The following RIMOC1 variants were observed in gnomAD, a reference collection of about 807,000 sequenced individuals.
The protein encoded by RIMOC1 is RAB7A-interacting MON1-CCZ1 complex subunit 1.
chr5:41,909,515 A>G, the RIMOC1 span, among the ~76,000 whole-genome samples: 1 of 152,104 alleles, frequency 6.6e-6, no homozygotes, highest in Non-Finnish European at 1.5e-5. Flanking sequence ...TGAGGGAAAG[A>G]AAGATTATCA....
At chr5:41,907,751 G>T in the RIMOC1 span, 1 of 1,602,154 alleles carries the variant, frequency 6.2e-7, no homozygotes. Flanking sequence ...TTTTTAATTC[G>T]GGCCTCTGCA....
At chr5:41,911,059 G>T in the RIMOC1 span, 1 of 1,609,686 alleles carries the variant, frequency 6.2e-7, no homozygotes, top group East Asian at 2.2e-5. Flanking sequence ...ACTGCAATTT[G>T]CTTGGGGATG....
the RIMOC1 span, among the ~76,000 whole-genome samples, chr5:41,907,526 G>A: frequency 0.82 from 125,084 of 152,156 alleles, 51,975 homozygotes; most frequent in African/African-American, 0.87. Flanking sequence ...TGCTTTGTAG[G>A]AAAAATTTTC....
At chr5:41,912,341 A>G in the RIMOC1 span, among the ~76,000 whole-genome samples, 4 of 152,352 alleles carry the variant, frequency 2.6e-5, no homozygotes, top group East Asian at 7.7e-4. Flanking sequence ...CAAAGATAAA[A>G]TCTTTTGATG....
At chr5:41,910,651 A>C in the RIMOC1 span, among the ~76,000 whole-genome samples, 10 of 151,950 alleles carry the variant, frequency 6.6e-5, no homozygotes, top group African/African-American at 4.8e-5. Context: ...TGATTTATTA[A>C]AATTATTTTT....
the RIMOC1 span, chr5:41,907,746 A>G: frequency 6.2e-7 from 1 of 1,601,024 alleles, no homozygotes; most frequent in Admixed American, 1.7e-5. Context: ...ATCACTTTTT[A>G]ATTCGGGCCT....
At chr5:41,911,224 G>A in the RIMOC1 span, 1 of 1,562,476 alleles carries the variant, frequency 6.4e-7, no homozygotes, top group African/African-American at 1.4e-5. Context: ...GACATTTAGA[G>A]GTTTCAAAAA....
the RIMOC1 span, among the ~76,000 whole-genome samples, chr5:41,907,027 A>G: frequency 6.6e-6 from 1 of 152,196 alleles, no homozygotes; most frequent in Non-Finnish European, 1.5e-5. Context: ...AAAAGGTGAA[A>G]TCACAGAAGC....
At chr5:41,918,498 C>A in the RIMOC1 span, 2 of 985,386 alleles carry the variant, frequency 2.0e-6, no homozygotes, top group Non-Finnish European at 2.4e-6. Context: ...ACCAGTTATT[C>A]TTCTTTCCCT....
chr5:41,910,001 T>A, the RIMOC1 span: 1 of 911,028 alleles, frequency 1.1e-6, no homozygotes, highest in South Asian at 1.8e-5. Context: ...TTTCTTAAAT[T>A]AAGATTGGAA....
the RIMOC1 span, among the ~76,000 whole-genome samples, chr5:41,907,228 A>T: frequency 1.3e-5 from 2 of 152,188 alleles, no homozygotes; most frequent in Non-Finnish European, 1.5e-5. Context: ...ATGTAATTTT[A>T]ATTGTAGTAG....
the RIMOC1 span, chr5:41,921,360 A>G: frequency 6.6e-6 from 1 of 151,336 alleles, no homozygotes; most frequent in Non-Finnish European, 1.5e-5. Context: ...CTCCTTTTCT[A>G]GCTTAAATAA....
the RIMOC1 span, chr5:41,904,347 G>T: frequency 6.2e-7 from 1 of 1,611,812 alleles, no homozygotes; most frequent in Non-Finnish European, 8.5e-7. Context: ...CGTGACCGGG[G>T]CGCACCCGCC....
At chr5:41,907,735 G>C in the RIMOC1 span, 1 of 1,587,246 alleles carries the variant, frequency 6.3e-7, no homozygotes, top group Non-Finnish European at 8.6e-7. Context: ...ATTTCTTATA[G>C]ATCACTTTTT....
At chr5:41,917,765 A>C in the RIMOC1 span, 2 of 912,604 alleles carry the variant, frequency 2.2e-6, no homozygotes, top group Middle Eastern at 5.5e-4. Context: ...GCAAAATGAA[A>C]GATTATGACT....
At chr5:41,918,474 TA>T in the RIMOC1 span, 1 of 985,466 alleles carries the variant, frequency 1.0e-6, no homozygotes, top group South Asian at 4.7e-5. Flanking sequence ...TGGGATACTA[TA>T]TGAACTAATC....
At chr5:41,920,922 A>G in the RIMOC1 span, 1 of 152,254 alleles carries the variant, frequency 6.6e-6, no homozygotes, top group Non-Finnish European at 1.5e-5. Context: ...GAATTCTCTC[A>G]TGGTTACCAA....
the RIMOC1 span, among the ~76,000 whole-genome samples, chr5:41,906,157 A>G: frequency 2.0e-5 from 3 of 152,340 alleles, no homozygotes; most frequent in East Asian, 5.8e-4. Flanking sequence ...ACAGCCAGAC[A>G]TTATTTCATC....
At chr5:41,908,010 A>G in the RIMOC1 span, among the ~76,000 whole-genome samples, 453 of 152,346 alleles carry the variant, frequency 3.0e-3, 1 homozygote, top group African/African-American at 0.01. Flanking sequence ...TTGAGGTAGT[A>G]TGAAAAGAAG....
Sources: allele counts gnomAD v4.1 joint callset (sites outside exome capture counted in the v4.1 genomes callset), GRCh38; gene constraint gnomAD v4.1.1; transcripts MANE v1.5; gene names NCBI Gene and HGNC (gene_info 2026-07-23, HGNC 2026-07-21).